The following KRT8 variants were observed in gnomAD, a reference collection of about 807,000 sequenced individuals.
KRT8 encodes keratin 8.
A neutral mutation model predicts 43.0 loss-of-function variants in KRT8; 24 were observed. The ratio of observed to expected loss-of-function variants is 0.56; its 90% CI spans 0.40 to 0.78. The LOEUF (loss-of-function observed/expected upper bound fraction) is 0.78, where lower values mean the gene tolerates loss of function less well. Ranked by LOEUF, KRT8 falls within the 30% of genes least tolerant of loss-of-function variation. KRT8 has a pLI of 0.00. For synonymous variants in KRT8, 214 were observed against 261.2 expected (o/e 0.82, Z 1.74); for missense variants, 492 against 638.4 (o/e 0.77, Z 2.47).
intron 2 of KRT8, among the ~76,000 whole-genome samples, chr12:52,933,840 G>T (rs1369819208): frequency 6.6e-6 from 1 of 151,694 alleles, no homozygotes; most frequent in Admixed American, 6.6e-5. Flanking sequence ...GGCCAGGCTG[G>T]TCTCAAACTC....
intron 6 of KRT8, 75 bp from the exon 7 acceptor site, chr12:52,898,594 C>T: frequency 6.2e-7 from 1 of 1,612,270 alleles, no homozygotes. Context: ...CCCCAAGTCC[C>T]AAGGGGCTTC....
chr12:52,938,553 G>A (rs1264308479), intron 2 of KRT8, among the ~76,000 whole-genome samples: 1 of 151,940 alleles, frequency 6.6e-6, no homozygotes, highest in African/African-American at 2.4e-5. Flanking sequence ...GAGGCAGAAG[G>A]ATCACCTGAG....
chr12:52,943,437 T>C lies in KRT8; in HGVS notation c.-47+6019A>G, dbSNP rs531583280. On this transcript the variant is annotated intron_variant, in intron 2 of 6. Coordinates refer to the KRT8 transcript ENST00000546826. ...CTCTCCTGGTCTCTTCCTGGGAACTTAGAGATCTAGGCCTTCTCCTCTTTC... is the reference window on the plus strand; with the variant it reads ...CTCTCCTGGTCTCTTCCTGGGAACTCAGAGATCTAGGCCTTCTCCTCTTTC... Among the ~76,000 whole-genome samples, 17 of 152,318 alleles carry C rather than the reference T, an allele frequency of 1.1e-4. No homozygotes were observed. In the East Asian group the frequency reaches 3.3e-3, roughly 29 times the overall value.
chr12:52,941,533 G>A (rs969774014), intron 2 of KRT8, among the ~76,000 whole-genome samples: 1 of 129,080 alleles, frequency 7.7e-6, no homozygotes, highest in Admixed American at 9.0e-5. Flanking sequence ...TTGTTACCCA[G>A]GCTGGAGTGC....
chr12:52,926,339 C>CCCCCCCCCCCCCCCCCCCTTGG, intron 2 of KRT8: 1 of 781,004 alleles, frequency 1.3e-6, no homozygotes. Context: ...GCTGCCCTCC[C>CCCCCCCCCCCCCCCCCCCTTGG]CACCCCACCC....
intron 4 of KRT8, 147 bp from the exon 5 acceptor site, chr12:52,900,212 T>TTTTTCAG: frequency 1.4e-6 from 1 of 738,078 alleles, no homozygotes; most frequent in Non-Finnish European, 2.2e-6. Context: ...GCAAAGTTCC[T>TTTTTCAG]GAAAAAGGAA....
chr12:52,931,657 C>CATATATATATATATATATATATATATAT (rs34460731), intron 2 of KRT8, among the ~76,000 whole-genome samples: 15 of 147,222 alleles, frequency 1.0e-4, no homozygotes, highest in African/African-American at 3.8e-4. Flanking sequence ...ATTGGCTCCC[C>CATATATATATATATATATATATATATAT]ATATATATAT....
At chr12:52,918,056 GA>G (rs1941784787) in intron 2 of KRT8, among the ~76,000 whole-genome samples, 1 of 142,824 alleles carries the variant, frequency 7.0e-6, no homozygotes, top group Non-Finnish European at 1.5e-5. Context: ...AGAAGAGGAA[GA>G]AGAAGGAGAA....
chr12:52,909,547 T>C (rs17120257), upstream of KRT8, among the ~76,000 whole-genome samples: 15,244 of 152,246 alleles, frequency 0.1, 852 homozygotes, highest in Non-Finnish European at 0.12. Flanking sequence ...TTTTTTGCTC[T>C]TGATCAGTGA....
At chr12:52,902,043 C>G in exon 2 of KRT8, 1 of 1,603,026 alleles carries the variant, frequency 6.2e-7, no homozygotes, top group Non-Finnish European at 8.5e-7. Context: ...TGGTCTCCAG[C>G]ATCTTGTTCT....
intron 2 of KRT8, among the ~76,000 whole-genome samples, chr12:52,922,245 C>T (rs902439587): frequency 8.4e-5 from 12 of 142,322 alleles, no homozygotes; most frequent in African/African-American, 2.8e-4. Context: ...AGAGCCAGAA[C>T]TGGACCCCGT....
chr12:52,925,668 A>G (rs1941974981), intron 2 of KRT8, among the ~76,000 whole-genome samples: 1 of 152,214 alleles, frequency 6.6e-6, no homozygotes, highest in South Asian at 2.1e-4. Context: ...AGCCAGCCCC[A>G]GGCCAGAAAT....
At chr12:52,926,332 G>GGCCCCCCCCCCC in intron 2 of KRT8, 45 of 600,170 alleles carry the variant, frequency 7.5e-5, no homozygotes, top group East Asian at 9.9e-5. Context: ...GGCACTAGCT[G>GGCCCCCCCCCCC]CCCTCCCCAC....
At chr12:52,936,844 A>C (rs1241035132) in intron 2 of KRT8, among the ~76,000 whole-genome samples, 2 of 152,132 alleles carry the variant, frequency 1.3e-5, no homozygotes, top group African/African-American at 4.8e-5. Flanking sequence ...GCATCAAAGC[A>C]TAATCCATAA....
At chr12:52,925,240 G>A (rs1941966359) in intron 2 of KRT8, among the ~76,000 whole-genome samples, 1 of 152,160 alleles carries the variant, frequency 6.6e-6, no homozygotes, top group South Asian at 2.1e-4. Flanking sequence ...AGCTGGAGGA[G>A]GTGTGTATGC....
At chr12:52,948,487 CTTT>C (rs1461359904) in intron 2 of KRT8, 1 of 114,742 alleles carries the variant, frequency 8.7e-6, no homozygotes, top group Non-Finnish European at 1.7e-5. Context: ...CCCCAAATTT[CTTT>C]TTTCTTTTTT....
chr12:52,917,685 G>C (rs1223661575), intron 2 of KRT8, among the ~76,000 whole-genome samples: 1 of 144,694 alleles, frequency 6.9e-6, no homozygotes, highest in African/African-American at 2.6e-5. Context: ...CTCCAGCCTG[G>C]GTGATAGGGC....
intron 2 of KRT8, among the ~76,000 whole-genome samples, chr12:52,945,775 T>C (rs1942334122): frequency 6.6e-6 from 1 of 152,066 alleles, no homozygotes; most frequent in Non-Finnish European, 1.5e-5. Flanking sequence ...CGAGGCTCAT[T>C]ACTCTTTGTG....
At chr12:52,925,781 C>G (rs1472782420) in intron 2 of KRT8, among the ~76,000 whole-genome samples, 1 of 152,102 alleles carries the variant, frequency 6.6e-6, no homozygotes, top group Non-Finnish European at 1.5e-5. Flanking sequence ...CTTAATGGGG[C>G]CTAATAGTTT....
Sources: gnomAD v4.1 joint callset for allele counts (sites outside exome capture counted in the v4.1 genomes callset) on GRCh38, gnomAD v4.1.1 for gene constraint, MANE v1.5 for transcripts, NCBI Gene and HGNC (gene_info 2026-07-23, HGNC 2026-07-21) for gene names.